The following WFDC9 variants were observed in gnomAD, a reference collection of about 807,000 sequenced individuals.
The protein encoded by WFDC9 is protein WFDC9.
In WFDC9, 9 loss-of-function variants were observed where a neutral mutation model predicts 9.5. The observed-to-expected ratio is 0.95, with a 90% CI of 0.57 to 1.65. The LOEUF is 1.65. Among genes scored for constraint, WFDC9 ranks in the 40% most tolerant of loss-of-function variants. The pLI, the probability that WFDC9 is intolerant of heterozygous loss-of-function variation, is 0.00. For missense variants in WFDC9, 87 were observed against 106.7 expected (o/e 0.82, Z 0.81); for synonymous variants, 33 against 32.3 (o/e 1.02, Z -0.07).
chr20:45,626,136 C>G (rs1430494734), intron 1 of WFDC9, among the ~76,000 whole-genome samples: 4 of 147,614 alleles, frequency 2.7e-5, no homozygotes, highest in Admixed American at 6.8e-5. Context: ...GTTCTCTATT[C>G]TATTCCATTA....
intron 1 of WFDC9, among the ~76,000 whole-genome samples, chr20:45,618,243 G>T (rs1353349532): frequency 6.6e-6 from 1 of 152,178 alleles, no homozygotes; most frequent in Non-Finnish European, 1.5e-5. Context: ...GTCTTTCTCT[G>T]GATGAGGTTT....
intron 1 of WFDC9, chr20:45,629,659 GGAA>G: frequency 1.1e-6 from 1 of 921,820 alleles, no homozygotes; most frequent in Non-Finnish European, 1.6e-6. Flanking sequence ...AGCAAAAAGA[GGAA>G]GGACTCTCTT....
chr20:45,627,178 T>G (rs534695326), intron 1 of WFDC9, among the ~76,000 whole-genome samples: 1 of 152,366 alleles, frequency 6.6e-6, no homozygotes, highest in South Asian at 2.1e-4. Flanking sequence ...CACTTGATCA[T>G]GCCACATTAT....
In WFDC9 at chr20:45,631,260, C is replaced by A; in HGVS notation, c.-210G>T. The A allele has an allele frequency of 2.9e-6, 1 of 350,306 alleles. No individual in the cohort carries two copies. 21.7% of individuals were successfully genotyped at this position (350,306 alleles called of 1,614,324 possible). On this transcript the variant is annotated 5_prime_UTR_variant, in exon 1 of 5. Coordinates refer to ENST00000326000, the MANE Select transcript of WFDC9 (RefSeq NM_147198.4). ...AGCTCACTGTGGCCCCTACAGATGCCCCACTTGTCTTGCGTCCTGGTGTTC... is the reference window on the plus strand; with the variant it reads ...AGCTCACTGTGGCCCCTACAGATGCACCACTTGTCTTGCGTCCTGGTGTTC...
chr20:45,608,630 C>G (rs776778117), intron 4 of WFDC9, 33 bp downstream of exon 4: 2 of 1,596,506 alleles, frequency 1.3e-6, no homozygotes, highest in South Asian at 2.3e-5. Flanking sequence ...GAAGCATGCC[C>G]AGGCCCTAGC....
chr20:45,622,670 A>G (rs1982127137), intron 1 of WFDC9, among the ~76,000 whole-genome samples: 1 of 152,236 alleles, frequency 6.6e-6, no homozygotes, highest in African/African-American at 2.4e-5. Context: ...CTCTAAAGAA[A>G]GACAAGTTCT....
chr20:45,613,278 G>A (rs943249916), intron 2 of WFDC9, among the ~76,000 whole-genome samples: 4 of 152,102 alleles, frequency 2.6e-5, no homozygotes, highest in Non-Finnish European at 4.4e-5. Flanking sequence ...TTTCTCAGGC[G>A]CGGAGCCTTT....
chr20:45,620,633 T>C (rs6073820), intron 1 of WFDC9, among the ~76,000 whole-genome samples: 1 of 152,138 alleles, frequency 6.6e-6, no homozygotes, highest in Non-Finnish European at 1.5e-5. Context: ...GTATAGATAA[T>C]TTATTTTCAT....
chr20:45,613,450 G>A (rs1981903913), intron 2 of WFDC9, among the ~76,000 whole-genome samples: 1 of 152,204 alleles, frequency 6.6e-6, no homozygotes, highest in Admixed American at 6.6e-5. Flanking sequence ...GTGAAATTTG[G>A]AAGGTGAAAA....
At chr20:45,618,230 G>A (rs1308144004) in intron 1 of WFDC9, among the ~76,000 whole-genome samples, 1 of 152,146 alleles carries the variant, frequency 6.6e-6, no homozygotes, top group African/African-American at 2.4e-5. Flanking sequence ...TTGAAGAGTT[G>A]GGGTCTTTCT....
chr20:45,614,972 T>C (rs16990463), intron 1 of WFDC9, among the ~76,000 whole-genome samples: 2,105 of 152,244 alleles, frequency 0.014, 89 homozygotes, highest in Admixed American at 0.097. Context: ...AAGTACATGT[T>C]CCCAAAGTCT....
intron 1 of WFDC9, among the ~76,000 whole-genome samples, chr20:45,619,435 T>C (rs1259089065): frequency 6.6e-6 from 1 of 152,196 alleles, no homozygotes; most frequent in Non-Finnish European, 1.5e-5. Context: ...TATCCTTTCC[T>C]GATGAAGGTA....
intron 1 of WFDC9, among the ~76,000 whole-genome samples, chr20:45,627,502 T>C (rs1982247032): frequency 6.6e-6 from 1 of 151,474 alleles, no homozygotes; most frequent in African/African-American, 2.4e-5. Flanking sequence ...CCTTACTTGT[T>C]ATTCGTCTGT....
At chr20:45,608,208 C>A in intron 4 of WFDC9, 68 bp from the exon 5 acceptor site, 1 of 1,510,632 alleles carries the variant, frequency 6.6e-7, no homozygotes, top group South Asian at 1.2e-5. Flanking sequence ...TTAATAGCAT[C>A]CTAGGCCCCA....
At chr20:45,625,905 C>T (rs531878255) in intron 1 of WFDC9, among the ~76,000 whole-genome samples, 440 of 145,816 alleles carry the variant, frequency 3.0e-3, no homozygotes, top group Non-Finnish European at 4.6e-3. Flanking sequence ...CAACCTCTGC[C>T]TCCCAGGTTC....
intron 1 of WFDC9, chr20:45,630,851 G>T (rs1487323): frequency 6.3e-7 from 1 of 1,578,830 alleles, no homozygotes; most frequent in South Asian, 1.2e-5. Flanking sequence ...TTTATTTACC[G>T]TTCTATTCTC....
At chr20:45,629,360 G>T (rs1286820977) in intron 1 of WFDC9, among the ~76,000 whole-genome samples, 2 of 151,922 alleles carry the variant, frequency 1.3e-5, no homozygotes, top group African/African-American at 4.8e-5. Flanking sequence ...ATTAAATAAG[G>T]GTGGCAAAAA....
At position 45,629,175 on chromosome 20, in the gene WFDC9, TACTC is replaced by T. The variant is rs565820726; in HGVS notation, c.-153+2024_-153+2027del. 9.2e-4 allele frequency among the ~76,000 whole-genome samples: 140 copies of T among 152,340 alleles called. 2 individuals carry two copies. Among genetic ancestry groups the T allele is most frequent in the Admixed American group, 9.0e-3 (137 of 15,298 alleles). ...TACATTTATATATGAAACAGCTACTTACTCTTTCACTCAGGAATTCTAGCTCTCT... is the reference window on the plus strand; with the variant it reads ...TACATTTATATATGAAACAGCTACTTTTTCACTCAGGAATTCTAGCTCTCT... On this transcript the variant is annotated intron_variant, in intron 1 of 4. Transcript: ENST00000326000.
intron 1 of WFDC9, among the ~76,000 whole-genome samples, chr20:45,630,070 C>G (rs1423782401): frequency 6.6e-6 from 1 of 152,118 alleles, no homozygotes; most frequent in Admixed American, 6.6e-5. Flanking sequence ...CCCTCCAGCC[C>G]CTTAGCTGGC....
Sources: gnomAD v4.1 joint callset for allele counts (sites outside exome capture counted in the v4.1 genomes callset) on GRCh38, gnomAD v4.1.1 for gene constraint, MANE v1.5 for transcripts, NCBI Gene and HGNC (gene_info 2026-07-23, HGNC 2026-07-21) for gene names.